The following FERMT2 variants were observed in gnomAD, a reference collection of about 807,000 sequenced individuals.
FERMT2 encodes the protein FERM domain containing kindlin 2.
Under a neutral mutation model 82.7 loss-of-function variants are expected in FERMT2, and 15 were observed. The ratio of observed to expected loss-of-function variants is 0.18; its 90% CI spans 0.12 to 0.28. The LOEUF is 0.28. Among genes scored for constraint, FERMT2 ranks in the 10% least tolerant of loss-of-function variants. FERMT2 has a pLI of 1.00. For missense variants in FERMT2, 645 were observed against 809.4 expected (o/e 0.80, Z 2.46); for synonymous variants, 274 against 271.5 (o/e 1.01, Z -0.09).
At chr14:52,896,833 A>AC (rs1887282028) in intron 3 of FERMT2, among the ~76,000 whole-genome samples, 1 of 151,346 alleles carries the variant, frequency 6.6e-6, no homozygotes, top group Non-Finnish European at 1.5e-5. Flanking sequence ...CTACAAACAA[A>AC]ATTTTTTTTT....
At chr14:52,922,472 TTTATTAAATTA>T (rs1889016382) in intron 2 of FERMT2, among the ~76,000 whole-genome samples, 1 of 65,592 alleles carries the variant, frequency 1.5e-5, no homozygotes. Flanking sequence ...GAAAGGAATG[TTTATTAAATTA>T]AAAAAAAAAA....
chr14:52,942,346 A>G (rs1342496412), intron 2 of FERMT2, among the ~76,000 whole-genome samples: 5 of 143,580 alleles, frequency 3.5e-5, no homozygotes, highest in African/African-American at 5.2e-5. Flanking sequence ...TCTGTCACCC[A>G]GGCTGGAGTG....
intron 2 of FERMT2, among the ~76,000 whole-genome samples, chr14:52,936,517 T>C (rs559220431): frequency 6.6e-4 from 100 of 152,288 alleles, no homozygotes; most frequent in Admixed American, 1.2e-3. Flanking sequence ...ACTTTAGCAT[T>C]ATTTCTTCTT....
intron 2 of FERMT2, among the ~76,000 whole-genome samples, chr14:52,942,999 G>A (rs943636056): frequency 6.6e-6 from 1 of 152,024 alleles, no homozygotes; most frequent in African/African-American, 2.4e-5. Context: ...GATCGCCTAA[G>A]GTCAGGAGTT....
At chr14:52,902,261 C>T (rs911270312) in intron 3 of FERMT2, among the ~76,000 whole-genome samples, 1 of 151,962 alleles carries the variant, frequency 6.6e-6, no homozygotes, top group Admixed American at 6.5e-5. Context: ...GGCATGATGG[C>T]GTGCATCTGT....
intron 10 of FERMT2, among the ~76,000 whole-genome samples, chr14:52,866,737 G>A (rs943507601): frequency 1.3e-5 from 2 of 152,002 alleles, no homozygotes; most frequent in African/African-American, 4.8e-5. Flanking sequence ...TGGTCTCAAG[G>A]GACAACTCCA....
intron 4 of FERMT2, among the ~76,000 whole-genome samples, chr14:52,885,666 T>C (rs999015210): frequency 7.3e-5 from 11 of 151,386 alleles, no homozygotes; most frequent in Non-Finnish European, 1.5e-4. Flanking sequence ...CTACTGTAGA[T>C]ATTTAAAACC....
At chr14:52,888,803 T>A (rs1448415193) in intron 4 of FERMT2, among the ~76,000 whole-genome samples, 2 of 152,346 alleles carry the variant, frequency 1.3e-5, no homozygotes, top group East Asian at 3.9e-4. Context: ...TGACTCTGAT[T>A]GCCACTACTC....
chr14:52,909,238 T>C (rs1005916174), intron 3 of FERMT2, among the ~76,000 whole-genome samples: 2 of 152,108 alleles, frequency 1.3e-5, no homozygotes, highest in African/African-American at 4.8e-5. Flanking sequence ...ACATTGGCAG[T>C]CAAAAAGTTT....
intron 4 of FERMT2, among the ~76,000 whole-genome samples, chr14:52,892,769 T>TA (rs1887023837): frequency 6.6e-6 from 1 of 152,180 alleles, no homozygotes; most frequent in African/African-American, 2.4e-5. Context: ...AGTAAGGTTT[T>TA]AAGGAATAAT....
At chr14:52,949,043 G>A (rs574209814) in intron 2 of FERMT2, among the ~76,000 whole-genome samples, 2 of 152,276 alleles carry the variant, frequency 1.3e-5, no homozygotes, top group Non-Finnish European at 2.9e-5. Context: ...ACTGTTAACT[G>A]CCAGTTAAAT....
intron 14 of FERMT2, chr14:52,859,254 A>G (rs1884751318): frequency 4.7e-6 from 1 of 214,968 alleles, no homozygotes; most frequent in African/African-American, 2.3e-5. Context: ...GTACTAATGT[A>G]AGCCTCTAAG....
chr14:52,928,244 T>A (rs1401655361), intron 2 of FERMT2: 3 of 225,730 alleles, frequency 1.3e-5, no homozygotes, highest in Non-Finnish European at 2.9e-5. Context: ...AACATGTCAT[T>A]GTGACTTATA....
chr14:52,890,823 G>C (rs1886898623), intron 4 of FERMT2, among the ~76,000 whole-genome samples: 1 of 151,854 alleles, frequency 6.6e-6, no homozygotes, highest in African/African-American at 2.4e-5. Flanking sequence ...GGCTGGTCTC[G>C]AACTCCTGAC....
chr14:52,869,493 C>G (rs747875362), intron 10 of FERMT2, among the ~76,000 whole-genome samples: 3 of 152,084 alleles, frequency 2.0e-5, no homozygotes, highest in Non-Finnish European at 2.9e-5. Context: ...TATACGACAG[C>G]GACAATGCCC....
At chr14:52,863,585 T>G (rs182939321) in intron 12 of FERMT2, 94 of 152,284 alleles carry the variant, frequency 6.2e-4, no homozygotes, top group African/African-American at 2.3e-3. Flanking sequence ...TTTTATGGTA[T>G]TAATTTCCAA....
chr14:52,904,742 C>A (rs528891065), intron 3 of FERMT2, among the ~76,000 whole-genome samples: 100 of 146,076 alleles, frequency 6.8e-4, no homozygotes, highest in South Asian at 4.3e-3. Flanking sequence ...TATGATGAGA[C>A]CTAATCTCTA....
intron 2 of FERMT2, among the ~76,000 whole-genome samples, chr14:52,927,592 T>TTA (rs1889350559): frequency 3.3e-4 from 11 of 33,714 alleles, no homozygotes; most frequent in South Asian, 2.6e-3. Context: ...CTCATCCCTA[T>TTA]AAAAAAAAAA....
chr14:52,861,256 G>A (rs1884918219), intron 12 of FERMT2: 4 of 528,756 alleles, frequency 7.6e-6, no homozygotes, highest in Admixed American at 3.9e-5. Flanking sequence ...TTAGAACACT[G>A]AGAAACACTC....
Sources: allele counts gnomAD v4.1 joint callset (sites outside exome capture counted in the v4.1 genomes callset), GRCh38; gene constraint gnomAD v4.1.1; transcripts MANE v1.5; gene names NCBI Gene and HGNC (gene_info 2026-07-23, HGNC 2026-07-21).